Variants in FBXL7 observed in about 807,000 individuals in gnomAD.
The protein encoded by FBXL7 is F-box/LRR-repeat protein 7.
In FBXL7, 12 loss-of-function variants were observed where a neutral mutation model predicts 38.3. That is an observed-to-expected ratio of 0.31 (90% CI 0.20 to 0.51). The LOEUF (loss-of-function observed/expected upper bound fraction) is 0.51, where lower values mean the gene tolerates loss of function less well. Among genes scored for constraint, FBXL7 ranks in the 20% least tolerant of loss-of-function variants. The pLI, the probability that FBXL7 is intolerant of heterozygous loss-of-function variation, is 0.98. For missense variants in FBXL7, 567 were observed against 676.4 expected, an observed-to-expected ratio of 0.84 and a Z score of 1.79; for synonymous variants, 297 against 300.9, an observed-to-expected ratio of 0.99 and a Z score of 0.13.
At chr5:15,780,243 C>G (rs1407929732) in intron 2 of FBXL7, among the ~76,000 whole-genome samples, 1 of 152,006 alleles carries the variant, frequency 6.6e-6, no homozygotes, top group Non-Finnish European at 1.5e-5. Flanking sequence ...CTAAAAGTTG[C>G]CTATGGCAGC....
At chr5:15,807,775 C>T (rs1737754786) in intron 2 of FBXL7, among the ~76,000 whole-genome samples, 1 of 151,904 alleles carries the variant, frequency 6.6e-6, no homozygotes, top group Non-Finnish European at 1.5e-5. Flanking sequence ...CTTACTTCTT[C>T]TAATCGCAAA....
At chr5:15,830,260 G>A (rs777256216) in intron 2 of FBXL7, among the ~76,000 whole-genome samples, 9 of 152,010 alleles carry the variant, frequency 5.9e-5, no homozygotes, top group Non-Finnish European at 1.2e-4. Flanking sequence ...AAGGCGGGCA[G>A]ATCACTTGAG....
At chr5:15,818,964 C>G (rs1738096522) in intron 2 of FBXL7, among the ~76,000 whole-genome samples, 1 of 152,052 alleles carries the variant, frequency 6.6e-6, no homozygotes, top group East Asian at 1.9e-4. Context: ...TGAGTGTATC[C>G]TCTAGTGTTG....
Position 15,936,058 on chromosome 5 carries a change from G to T in FBXL7, c.740-392G>T, listed in dbSNP as rs1742174216. 6.6e-6 allele frequency among the ~76,000 whole-genome samples: 1 copy of T among 152,144 alleles called. No homozygotes were observed. The highest frequency in any genetic ancestry group is 2.4e-5 in the African/African-American group (1 of 41,422). ...GCTCCTGGAACTTTCCAGGGCCAAG[G>T]CAAGATATTTACACACATCCTCTCA... On this transcript the variant is annotated intron_variant, in intron 3 of 3. Transcript: ENST00000504595. The surrounding 1 kb of genome is among the most constrained non-coding windows in gnomAD (Gnocchi z 6.0).
chr5:15,918,552 G>T (rs763900370), intron 2 of FBXL7, among the ~76,000 whole-genome samples: 13 of 152,194 alleles, frequency 8.5e-5, no homozygotes, highest in Non-Finnish European at 1.5e-4. Context: ...CCTTCTAGAA[G>T]AGCTAAAGGA....
intron 2 of FBXL7, among the ~76,000 whole-genome samples, chr5:15,820,038 CAG>C (rs1260912314): frequency 6.6e-6 from 1 of 152,174 alleles, no homozygotes; most frequent in African/African-American, 2.4e-5. Context: ...CTCTGTTATT[CAG>C]AGTCTAGGGA....
At chr5:15,735,429 G>A (rs1735725157) in intron 2 of FBXL7, among the ~76,000 whole-genome samples, 2 of 152,186 alleles carry the variant, frequency 1.3e-5, no homozygotes. Context: ...TTGCTTCTAG[G>A]TGTGTAAGCA....
chr5:15,824,209 T>C (rs1036109175), intron 2 of FBXL7, among the ~76,000 whole-genome samples: 3 of 151,522 alleles, frequency 2.0e-5, no homozygotes, highest in Non-Finnish European at 2.9e-5. Context: ...GGCAGGAGAA[T>C]TGCTTGAACC....
intron 2 of FBXL7, among the ~76,000 whole-genome samples, chr5:15,769,037 T>C (rs952161): frequency 0.19 from 29,534 of 152,160 alleles, 2,864 homozygotes; most frequent in South Asian, 0.24. Flanking sequence ...AGTCATACAT[T>C]GTCCTAATTC....
rs189095393 is a variant in FBXL7, at chr5:15,701,615, C to T, written c.127+85543C>T. On this transcript the variant is annotated intron_variant, in intron 2 of 3. Coordinates refer to ENST00000504595, the MANE Select transcript of FBXL7 (RefSeq NM_012304.5). ...CTCTCAGTTGAATTGAGGAGATAGA[C>T]ATATAAAAAAAATTTCCAACATGGG... Among the ~76,000 whole-genome samples, 6 of 151,688 alleles carry T rather than the reference C, an allele frequency of 4.0e-5. No individual in the cohort carries two copies. The East Asian group carries it at 1.2e-3, about 29-fold the overall frequency.
rs1422090481 is a variant in FBXL7 at position 15,527,418 on chromosome 5, A to G, written c.37+26705A>G. On this transcript the variant is annotated intron_variant, in intron 1 of 3. Transcript: ENST00000504595. Reference sequence around the variant, plus strand: ...TTGTCTCCGAGAGTTAGCATATACCAGAAATTAACGTTTTCAATATTATTA... The same window carrying G: ...TTGTCTCCGAGAGTTAGCATATACCGGAAATTAACGTTTTCAATATTATTA... 3.9e-5 allele frequency among the ~76,000 whole-genome samples: 6 copies of G among 152,188 alleles called. No individual in the cohort carries two copies. The East Asian group carries it at 1.2e-3, about 29-fold the overall frequency.
chr5:15,583,337 A>T (rs918293402), intron 1 of FBXL7, among the ~76,000 whole-genome samples: 4 of 152,056 alleles, frequency 2.6e-5, no homozygotes, highest in African/African-American at 9.7e-5. Flanking sequence ...GCCCCTCCCA[A>T]ATCTCTTTCC....
intron 2 of FBXL7, among the ~76,000 whole-genome samples, chr5:15,916,231 T>G (rs1741579835): frequency 6.6e-6 from 1 of 152,150 alleles, no homozygotes; most frequent in African/African-American, 2.4e-5. Context: ...ATGTGGCTAG[T>G]GCACCTGAGG....
intron 1 of FBXL7, 21 bp from the exon 2 acceptor site, chr5:15,615,962 G>A (rs751095673): frequency 7.6e-6 from 12 of 1,583,196 alleles, no homozygotes; most frequent in Non-Finnish European, 8.7e-6. Context: ...CTCAAAAGCT[G>A]CTCATTCCTG....
At chr5:15,602,777 T>C (rs565983906) in intron 1 of FBXL7, among the ~76,000 whole-genome samples, 1 of 152,278 alleles carries the variant, frequency 6.6e-6, no homozygotes, top group Non-Finnish European at 1.5e-5. Flanking sequence ...AATAAAACAG[T>C]GTTTGAGAAT....
intron 2 of FBXL7, among the ~76,000 whole-genome samples, chr5:15,896,432 G>A (rs573248751): frequency 2.0e-5 from 3 of 152,224 alleles, no homozygotes; most frequent in East Asian, 1.9e-4. Flanking sequence ...CCTCTAAAAC[G>A]ACCTATCTCA....
intron 2 of FBXL7, among the ~76,000 whole-genome samples, chr5:15,640,729 G>A (rs1741338876): frequency 6.6e-6 from 1 of 152,098 alleles, no homozygotes; most frequent in Non-Finnish European, 1.5e-5. Context: ...TCACCCTTTT[G>A]GCCAGGCTGT....
At chr5:15,647,677 AT>A (rs1741574998) in intron 2 of FBXL7, among the ~76,000 whole-genome samples, 1 of 152,172 alleles carries the variant, frequency 6.6e-6, no homozygotes, top group South Asian at 2.1e-4. Context: ...TTTTAATCTA[AT>A]TTCTTTTGGA....
chr5:15,883,003 C>G (rs1579565599), intron 2 of FBXL7, among the ~76,000 whole-genome samples: 1 of 152,012 alleles, frequency 6.6e-6, no homozygotes, highest in Non-Finnish European at 1.5e-5. Flanking sequence ...CCAGCTTGCT[C>G]TGTCTTAGCC....
Sources: allele counts gnomAD v4.1 joint callset (sites outside exome capture counted in the v4.1 genomes callset), GRCh38; gene constraint gnomAD v4.1.1; non-coding constraint Gnocchi (gnomAD v3.1); transcripts MANE v1.5; gene names NCBI Gene and HGNC (gene_info 2026-07-23, HGNC 2026-07-21).